DYNC1I1: variants seen among roughly 807,000 people sequenced by gnomAD.
DYNC1I1 encodes the protein dynein cytoplasmic 1 intermediate chain 1, also known as cytoplasmic dynein 1 intermediate chain 1.
DYNC1I1 carries 43 observed loss-of-function variants against 86.6 expected under a neutral mutation model. That is an observed-to-expected ratio of 0.50 (90% confidence interval 0.39 to 0.64). The LOEUF (loss-of-function observed/expected upper bound fraction) is 0.64. Ranked by LOEUF, DYNC1I1 falls within the 30% of genes least tolerant of loss-of-function variation. The pLI is 0.00. For missense variants in DYNC1I1, 604 were observed against 788.8 expected (o/e 0.77, Z 2.81); for synonymous variants, 262 against 283.7 (o/e 0.92, Z 0.77).
chr7:95,851,230 TG>T, intron 5 of DYNC1I1, among the ~76,000 whole-genome samples: 1 of 152,166 alleles, frequency 6.6e-6, no homozygotes, highest in African/African-American at 2.4e-5. Context: ...CCACCATGCC[TG>T]GCCAATATCA....
chr7:96,076,227 A>T (rs1790334694), intron 15 of DYNC1I1, 30 bp downstream of exon 15: 1 of 1,610,310 alleles, frequency 6.2e-7, no homozygotes, highest in African/African-American at 1.3e-5. Flanking sequence ...CCCGGGCCGG[A>T]GGGCTGGGAG....
intron 5 of DYNC1I1, among the ~76,000 whole-genome samples, chr7:95,851,361 C>T (rs977298326): frequency 4.0e-5 from 6 of 151,826 alleles, no homozygotes; most frequent in South Asian, 2.1e-4. Context: ...AGTGGGACAG[C>T]GCAAGATTTT....
At chr7:95,940,193 G>C (rs1405621928) in intron 6 of DYNC1I1, among the ~76,000 whole-genome samples, 1 of 152,124 alleles carries the variant, frequency 6.6e-6, no homozygotes, top group African/African-American at 2.4e-5. Flanking sequence ...GCTTCCCTTT[G>C]AGGGTAACCC....
In DYNC1I1 at chr7:95,878,993, C is replaced by A. The variant is rs561320412; in HGVS notation, c.490+8995C>A. On this transcript the variant is annotated intron_variant, in intron 6 of 16. Coordinates refer to ENST00000447467, the MANE Select transcript of DYNC1I1 (RefSeq NM_001135556.2). ...CTATCAATCAAGAATCACTACCCAG[C>A]AAAGCTATCTTTTAAAAATGAAGGT... Among the ~76,000 whole-genome samples, 4 of 148,276 alleles carry A rather than the reference C, an allele frequency of 2.7e-5. No individual in the cohort carries two copies. The South Asian group carries it at 6.5e-4, about 24-fold the overall frequency.
At chr7:96,075,302 C>T (rs1008412138) in intron 14 of DYNC1I1, among the ~76,000 whole-genome samples, 1 of 147,274 alleles carries the variant, frequency 6.8e-6, no homozygotes, top group African/African-American at 2.6e-5. Flanking sequence ...ACACACACAC[C>T]CCAACACCCA....
intron 1 of DYNC1I1, among the ~76,000 whole-genome samples, chr7:95,787,521 A>G (rs1192841578): frequency 6.6e-6 from 1 of 152,156 alleles, no homozygotes. Context: ...CCTAAAACCA[A>G]TGGAGCGTTG....
intron 10 of DYNC1I1, among the ~76,000 whole-genome samples, chr7:96,000,209 G>A (rs1793975941): frequency 6.6e-6 from 1 of 151,968 alleles, no homozygotes; most frequent in Non-Finnish European, 1.5e-5. Flanking sequence ...TGAATTCCTG[G>A]GATTCAAAAT....
chr7:95,963,883 G>T (rs1010071753), intron 6 of DYNC1I1, among the ~76,000 whole-genome samples: 1 of 152,166 alleles, frequency 6.6e-6, no homozygotes, highest in South Asian at 2.1e-4. Context: ...ACTGAGAGTT[G>T]TACTTAGTCC....
At chr7:95,814,554 T>C (rs532769488) in intron 4 of DYNC1I1, among the ~76,000 whole-genome samples, 12 of 152,178 alleles carry the variant, frequency 7.9e-5, no homozygotes, top group Non-Finnish European at 1.0e-4. Context: ...GGCATTAGCA[T>C]AAGCATTTTC....
chr7:95,939,042 C>A (rs319294), intron 6 of DYNC1I1, among the ~76,000 whole-genome samples: 120,525 of 151,894 alleles, frequency 0.79, 48,011 homozygotes, highest in East Asian at 0.93. Context: ...TTCTGCCTTC[C>A]TTTCATTATG....
chr7:96,071,571 C>A (rs993675964), intron 14 of DYNC1I1, among the ~76,000 whole-genome samples: 10 of 152,276 alleles, frequency 6.6e-5, no homozygotes, highest in African/African-American at 2.4e-4. Flanking sequence ...TGAAACAGGT[C>A]TTTACCTTCT....
intron 1 of DYNC1I1, among the ~76,000 whole-genome samples, chr7:95,797,445 G>C (rs1794468732): frequency 6.6e-6 from 1 of 152,114 alleles, no homozygotes; most frequent in African/African-American, 2.4e-5. Flanking sequence ...AAAGACTTCT[G>C]AAAAGATTGG....
At chr7:95,805,896 C>A (rs1395022597) in intron 2 of DYNC1I1, among the ~76,000 whole-genome samples, 1 of 152,056 alleles carries the variant, frequency 6.6e-6, no homozygotes, top group Non-Finnish European at 1.5e-5. Flanking sequence ...GCTGAGAGAC[C>A]AAGGTAATAG....
chr7:95,941,237 T>C (rs11769842), intron 6 of DYNC1I1, among the ~76,000 whole-genome samples: 120,142 of 151,434 alleles, frequency 0.79, 47,879 homozygotes, highest in East Asian at 0.93. Context: ...TTAGGCTGCT[T>C]GGGGGTCAGG....
intron 5 of DYNC1I1, among the ~76,000 whole-genome samples, chr7:95,843,723 A>G (rs1789351630): frequency 6.6e-6 from 1 of 152,240 alleles, no homozygotes; most frequent in South Asian, 2.1e-4. Flanking sequence ...GACTTCAAGA[A>G]AATTGTAAAT....
At chr7:95,938,287 T>C (rs369498054) in intron 6 of DYNC1I1, among the ~76,000 whole-genome samples, 1 of 152,144 alleles carries the variant, frequency 6.6e-6, no homozygotes, top group Non-Finnish European at 1.5e-5. Flanking sequence ...ATTTCTCAAG[T>C]TATAATAACA....
intron 6 of DYNC1I1, among the ~76,000 whole-genome samples, chr7:95,927,378 G>T (rs943928234): frequency 4.6e-5 from 7 of 152,138 alleles, no homozygotes; most frequent in Admixed American, 1.3e-4. Flanking sequence ...AAATCTAAGG[G>T]CTACGGGAGC....
At chr7:95,784,300 T>C (rs1226284395) in intron 1 of DYNC1I1, among the ~76,000 whole-genome samples, 1 of 152,192 alleles carries the variant, frequency 6.6e-6, no homozygotes, top group Non-Finnish European at 1.5e-5. Flanking sequence ...AAATTTAATG[T>C]GGTATAAATG....
chr7:95,946,672 G>C (rs1792410618), intron 6 of DYNC1I1, among the ~76,000 whole-genome samples: 1 of 152,138 alleles, frequency 6.6e-6, no homozygotes, highest in African/African-American at 2.4e-5. Flanking sequence ...TTCATTCATT[G>C]ATTAATTCAT....
Sources: gnomAD v4.1 joint callset for allele counts (sites outside exome capture counted in the v4.1 genomes callset) on GRCh38, gnomAD v4.1.1 for gene constraint, MANE v1.5 for transcripts, NCBI Gene and HGNC (gene_info 2026-07-23, HGNC 2026-07-21) for gene names.